Variants in SLC4A11 observed in about 807,000 individuals in gnomAD.
SLC4A11 encodes bicarbonate transporter related protein 1.
In SLC4A11, 74 loss-of-function variants were observed where a neutral mutation model predicts 95.0. That is an observed-to-expected ratio of 0.78 (90% CI 0.65 to 0.95). The LOEUF is 0.95. Among genes scored for constraint, SLC4A11 ranks in the 40% least tolerant of loss-of-function variants. The pLI is 0.00. For missense variants in SLC4A11, 1,081 were observed against 1,192.4 expected (o/e 0.91, Z 1.38); for synonymous variants, 548 against 519.0 (o/e 1.06, Z -0.76).
chr20:3,232,045 A>G (rs181336569), intron 7 of SLC4A11, among the ~76,000 whole-genome samples: 2 of 152,304 alleles, frequency 1.3e-5, no homozygotes, highest in Admixed American at 1.3e-4. Context: ...CGCAACTACC[A>G]TCGATCTATA....
chr20:3,230,317 A>C, intron 12 of SLC4A11, 57 bp from the exon 13 acceptor site: 2 of 1,595,160 alleles, frequency 1.3e-6, no homozygotes. Context: ...CAGGTGGGGG[A>C]GGCCTCCCTG....
chr20:3,230,238 G>T lies in SLC4A11; in HGVS notation c.1438C>A (p.Leu480Ile). Residue 480 changes from leucine to isoleucine, a missense_variant, in exon 13 of 20, where the codon CTC becomes ATC. Coordinates refer to ENST00000642402, the MANE Select transcript of SLC4A11 (RefSeq NM_001174089.2). ...AGCACAAACGTGATGGAAATGAAGAGGGCGATGATCTCCTCCGTCGACCTG... is the reference window on the plus strand; with the variant it reads ...AGCACAAACGTGATGGAAATGAAGATGGCGATGATCTCCTCCGTCGACCTG... ...FKRSTEEIIALFISITFVLDA... is the reference protein window; with the variant it reads ...FKRSTEEIIAIFISITFVLDA... 6.2e-7 allele frequency: 1 copy of T among 1,613,602 alleles called. No homozygotes were observed. Among genetic ancestry groups the T allele is most frequent in the Non-Finnish European group, 8.5e-7 (1 of 1,180,024 alleles).
upstream of SLC4A11, chr20:3,239,432 A>G: frequency 9.4e-7 from 1 of 1,060,552 alleles, no homozygotes; most frequent in Non-Finnish European, 1.1e-6. Flanking sequence ...GGCTCCTTCG[A>G]GCCTGTGCGC....
In SLC4A11 at chr20:3,234,516, C is replaced by A; in HGVS notation, c.291+52G>T. On this transcript the variant is annotated intron_variant, in intron 4 of 19. Coordinates refer to ENST00000642402, the MANE Select transcript of SLC4A11 (RefSeq NM_001174089.2). This position sits in a 1 kb window ranked among gnomAD's most constrained non-coding sequence, Gnocchi z 5.8. ...GGGAGGATTCTCAGGGAAGCCATCACCTCAGCCCCCAGGTAGAGGCCCCAG... is the reference window on the plus strand; with the variant it reads ...GGGAGGATTCTCAGGGAAGCCATCAACTCAGCCCCCAGGTAGAGGCCCCAG... 1 of 1,611,630 alleles carries A rather than the reference C, an allele frequency of 6.2e-7. No individual in the cohort carries two copies. Among genetic ancestry groups the A allele is most frequent in the Non-Finnish European group, 8.5e-7 (1 of 1,178,552 alleles).
At chr20:3,230,457 G>C in intron 12 of SLC4A11, 58 bp downstream of exon 12, 1 of 1,612,202 alleles carries the variant, frequency 6.2e-7, no homozygotes, top group Non-Finnish European at 8.5e-7. Context: ...GGGTTACAGG[G>C]GGCTGAACCA....
Position 3,230,159 on chromosome 20 carries a change from TCAG to T in SLC4A11, c.1489+25_1489+27del, listed in dbSNP as rs772284625. 106 of 1,612,708 alleles carry T rather than the reference TCAG, an allele frequency of 6.6e-5. 1 individual carries two copies. The South Asian group carries it at 1.1e-3, about 17-fold the overall frequency. On this transcript the variant is annotated intron_variant, in intron 13 of 19. Coordinates refer to ENST00000642402, the MANE Select transcript of SLC4A11 (RefSeq NM_001174089.2). ...CTCCCATCTCGGCTGAGCGCCCTGT[TCAG>T]CAGGTGGCCCCCAGCCGCACTCACT...
At chr20:3,232,464 G>A (rs1371231317) in intron 7 of SLC4A11, among the ~76,000 whole-genome samples, 1 of 152,278 alleles carries the variant, frequency 6.6e-6, no homozygotes, top group Non-Finnish European at 1.5e-5. Flanking sequence ...TTTTTGGGAG[G>A]CTAAGGCAGG....
Position 3,229,832 on chromosome 20 carries a change from C to T in SLC4A11, c.1490-56G>A, listed in dbSNP as rs2067693127. ...TCTCCAGCGTGTGGCAGGGGGAGGC[C>T]CTGGAGGGAGGGGATCTCAGGGAGA... On this transcript the variant is annotated intron_variant, in intron 13 of 19. Transcript: ENST00000642402. 4 of 1,611,972 alleles carry T rather than the reference C, an allele frequency of 2.5e-6. No individual in the cohort carries two copies. The Admixed American group carries it at 5.0e-5, about 20-fold the overall frequency.
At chr20:3,230,324 C>T in intron 12 of SLC4A11, 64 bp from the exon 13 acceptor site, 1 of 1,595,698 alleles carries the variant, frequency 6.3e-7, no homozygotes, top group Middle Eastern at 1.7e-4. Context: ...GGGAGGCCTC[C>T]CTGAGCCCCT....
intron 6 of SLC4A11, 40 bp from the exon 7 acceptor site, chr20:3,233,677 C>T (rs2067859937): frequency 1.2e-6 from 2 of 1,607,438 alleles, no homozygotes; most frequent in African/African-American, 1.3e-5. Context: ...AGTTGCACCC[C>T]AGGGAGCTGG....
chr20:3,238,048 G>A (rs1325667681), intron 1 of SLC4A11: 2 of 1,499,200 alleles, frequency 1.3e-6, no homozygotes, highest in Admixed American at 4.6e-5. Flanking sequence ...CCGGTCCTGG[G>A]GGCCATAAAC....
At chr20:3,230,900 A>ACCCCCCCCCCCCCCCCCCC in intron 10 of SLC4A11, 33 bp downstream of exon 10, 3 of 1,610,738 alleles carry the variant, frequency 1.9e-6, no homozygotes, top group Non-Finnish European at 2.5e-6. Context: ...AGCCCAGCAT[A>ACCCCCCCCCCCCCCCCCCC]CCCCCACCCA....
intron 12 of SLC4A11, 102 bp downstream of exon 12, chr20:3,230,413 G>T: frequency 6.3e-7 from 1 of 1,592,180 alleles, no homozygotes; most frequent in Non-Finnish European, 8.6e-7. Context: ...GCCCCTTGGG[G>T]CAGCAATATG....
intron 6 of SLC4A11, 49 bp downstream of exon 6, chr20:3,233,872 C>A (rs1472157478): frequency 5.6e-6 from 9 of 1,601,582 alleles, no homozygotes; most frequent in Non-Finnish European, 1.7e-6. Flanking sequence ...ACATGGGACA[C>A]CCAGTTCCAC....
intron 7 of SLC4A11, among the ~76,000 whole-genome samples, chr20:3,233,221 G>A (rs539257779): frequency 7.2e-5 from 11 of 152,328 alleles, no homozygotes; most frequent in African/African-American, 2.6e-4. Context: ...AGTCAACCAA[G>A]TCAAAGAAGG....
intron 1 of SLC4A11, chr20:3,238,343 G>T: frequency 1.0e-6 from 1 of 985,472 alleles, no homozygotes; most frequent in Non-Finnish European, 1.2e-6. Flanking sequence ...AGAGGAAAGC[G>T]CCTCCAGACT....
Position 3,228,647 on chromosome 20 carries a change from C to T in SLC4A11, c.2253G>A (p.Leu751=), listed in dbSNP as rs766549806. Residue 751 remains leucine, a synonymous_variant, in exon 18 of 20, where the codon CTG becomes CTA. Coordinates refer to ENST00000642402, the MANE Select transcript of SLC4A11 (RefSeq NM_001174089.2). ...TSLGASVLVG[L]SLLLLPVPLQ... ...GCGGGACCGGCAGCAGCAACAGGGA[C>T]AGGCCCACCAGGACGCTGGCGCCCA... 1 of 1,612,992 alleles carries T rather than the reference C, an allele frequency of 6.2e-7. No homozygotes were observed. Among genetic ancestry groups the T allele is most frequent in the Non-Finnish European group, 8.5e-7 (1 of 1,179,916 alleles).
At chr20:3,239,311 G>C (rs889483818), upstream of SLC4A11, 2 of 1,159,116 alleles carry the variant, frequency 1.7e-6, no homozygotes, top group Non-Finnish European at 1.1e-6. Context: ...CAGAGCTGCC[G>C]AGGGCTGGGA....
Position 3,231,437 on chromosome 20 carries a change from C to A in SLC4A11, c.841G>T (p.Ala281Ser). The change falls in exon 8 of 20, where the codon GCC becomes TCC. Residue 281 changes from alanine to serine, a missense_variant. Ala to Ser is a moderately conservative substitution (Grantham distance 99). This residue lies in a region of SLC4A11 where 767 missense variants were observed against 858.0 expected (regional missense o/e 0.89). Coordinates refer to ENST00000642402, the MANE Select transcript of SLC4A11 (RefSeq NM_001174089.2). The surrounding 1 kb of genome is among the most constrained non-coding windows in gnomAD (Gnocchi z 5.2). Reference sequence around the variant, plus strand: ...AGCAGCTGTCTCTGATGCACCAAGGCCTCCTTGAATTCCTCCTCTGTGCGG... The same window carrying A: ...AGCAGCTGTCTCTGATGCACCAAGGACTCCTTGAATTCCTCCTCTGTGCGG... ...ETRTEEEFKE[A>S]LVHQRQLLTM... 1.2e-6 allele frequency: 2 copies of A among 1,614,138 alleles called. No individual in the cohort carries two copies. Among genetic ancestry groups the A allele is most frequent in the Non-Finnish European group, 1.7e-6 (2 of 1,180,038 alleles).
Sources: allele counts gnomAD v4.1 joint callset (sites outside exome capture counted in the v4.1 genomes callset), GRCh38; gene constraint gnomAD v4.1.1; regional missense constraint gnomAD v4.1.1; non-coding constraint Gnocchi (gnomAD v3.1); transcripts MANE v1.5; gene names NCBI Gene and HGNC (gene_info 2026-07-23, HGNC 2026-07-21).